FYN: variants seen among roughly 807,000 people sequenced by gnomAD.
FYN encodes the protein tyrosine-protein kinase Fyn.
Under a neutral mutation model 70.2 loss-of-function variants are expected in FYN, and 10 were observed. The observed-to-expected ratio is 0.14, with a 90% CI of 0.09 to 0.24. The LOEUF (loss-of-function observed/expected upper bound fraction) is 0.24, where lower values mean the gene tolerates loss of function less well. Ranked by LOEUF, FYN falls within the 10% of genes least tolerant of loss-of-function variation. The pLI, the probability that FYN is intolerant of heterozygous loss-of-function variation, is 1.00. For synonymous variants in FYN, 236 were observed against 248.6 expected, an observed-to-expected ratio of 0.95 and a Z score of 0.48; for missense variants, 319 against 673.1, an observed-to-expected ratio of 0.47 and a Z score of 5.82.
At chr6:111,757,990 G>A (rs1386527442) in intron 3 of FYN, among the ~76,000 whole-genome samples, 1 of 152,116 alleles carries the variant, frequency 6.6e-6, no homozygotes, top group African/African-American at 2.4e-5. Flanking sequence ...AGATAAAAGG[G>A]TAGAGAATGT....
At chr6:111,697,838 A>AT (rs1466948760) in intron 9 of FYN, among the ~76,000 whole-genome samples, 2 of 152,186 alleles carry the variant, frequency 1.3e-5, no homozygotes, top group Admixed American at 1.3e-4. Context: ...TTGAAAATAA[A>AT]TTTTCTAATA....
chr6:111,784,557 A>C (rs1771295317), intron 2 of FYN, among the ~76,000 whole-genome samples: 1 of 152,212 alleles, frequency 6.6e-6, no homozygotes, highest in Non-Finnish European at 1.5e-5. Context: ...GAAATGCTGA[A>C]CACTTTCCAA....
chr6:111,769,425 G>A (rs1313028409), intron 3 of FYN, among the ~76,000 whole-genome samples: 4 of 152,204 alleles, frequency 2.6e-5, no homozygotes, highest in Non-Finnish European at 5.9e-5. Flanking sequence ...CTGAGATTGT[G>A]ATTATAATCT....
At chr6:111,824,539 T>C (rs894667918) in intron 2 of FYN, among the ~76,000 whole-genome samples, 1 of 152,238 alleles carries the variant, frequency 6.6e-6, no homozygotes, top group Non-Finnish European at 1.5e-5. Context: ...TACCTTTGTC[T>C]ATCTATAGTA....
chr6:111,791,650 A>C (rs1771626279), intron 2 of FYN, among the ~76,000 whole-genome samples: 1 of 152,192 alleles, frequency 6.6e-6, no homozygotes, highest in African/African-American at 2.4e-5. Context: ...CACCACCAGA[A>C]GCTGGGAATA....
At chr6:111,737,261 A>T (rs1428960790) in intron 3 of FYN, among the ~76,000 whole-genome samples, 2 of 152,202 alleles carry the variant, frequency 1.3e-5, no homozygotes, top group Non-Finnish European at 2.9e-5. Flanking sequence ...TTTGGTGCCA[A>T]TATCTACCTA....
intron 2 of FYN, among the ~76,000 whole-genome samples, chr6:111,836,418 C>T (rs1773187583): frequency 6.6e-6 from 1 of 151,942 alleles, no homozygotes; most frequent in African/African-American, 2.4e-5. Context: ...GGCTTTAGCC[C>T]CCAAAAGAAA....
At chr6:111,771,833 T>G (rs1438037523) in intron 3 of FYN, among the ~76,000 whole-genome samples, 1 of 152,166 alleles carries the variant, frequency 6.6e-6, no homozygotes, top group Non-Finnish European at 1.5e-5. Context: ...GGTGCATAGC[T>G]TGTGCTTCTC....
intron 3 of FYN, among the ~76,000 whole-genome samples, chr6:111,720,321 C>T (rs932904878): frequency 2.0e-5 from 3 of 152,206 alleles, no homozygotes; most frequent in East Asian, 1.9e-4. Flanking sequence ...CAACTTTCCT[C>T]GAATAAGGCC....
Position 111,789,866 on chromosome 6 carries a change from C to T in FYN, c.-81-9231G>A, listed in dbSNP as rs183343851. Among the ~76,000 whole-genome samples the T allele has an allele frequency of 3.0e-3, 451 of 152,302 alleles. 8 individuals carry two copies. In the South Asian group the frequency reaches 0.048, roughly 16 times the overall value. ...GTCTAGCTCTCTTCCAACCGGATTA[C>T]TACTCCCAAGTCCCTCCAAGTAGAC... is the stretch of plus-strand genomic sequence containing the variant. On this transcript the variant is annotated intron_variant, in intron 2 of 13. Transcript: ENST00000354650.
intron 4 of FYN, among the ~76,000 whole-genome samples, chr6:111,717,619 G>C (rs560607759): frequency 6.6e-6 from 1 of 152,096 alleles, no homozygotes; most frequent in South Asian, 2.1e-4. Context: ...CCACCACCAC[G>C]CCTGGCTAAT....
At chr6:111,865,902 G>A (rs1271725027) in intron 1 of FYN, among the ~76,000 whole-genome samples, 2 of 152,164 alleles carry the variant, frequency 1.3e-5, no homozygotes, top group Non-Finnish European at 2.9e-5. Flanking sequence ...GAATGAAGGT[G>A]CTGCATTTCT....
At chr6:111,667,234 T>A (rs1798051825) in intron 13 of FYN, among the ~76,000 whole-genome samples, 1 of 152,034 alleles carries the variant, frequency 6.6e-6, no homozygotes, top group South Asian at 2.1e-4. Context: ...TCCTTTTAGA[T>A]TCTTTGAAAA....
chr6:111,815,708 A>C (rs769401089), intron 2 of FYN, among the ~76,000 whole-genome samples: 10 of 145,016 alleles, frequency 6.9e-5, no homozygotes, highest in Non-Finnish European at 1.5e-4. Flanking sequence ...TTCTCTGAGT[A>C]CTTCTTTTTT....
At chr6:111,791,753 G>C (rs1434280954) in intron 2 of FYN, among the ~76,000 whole-genome samples, 1 of 152,200 alleles carries the variant, frequency 6.6e-6, no homozygotes, top group Admixed American at 6.5e-5. Context: ...AGAATCATGA[G>C]AGAATAAATT....
intron 2 of FYN, among the ~76,000 whole-genome samples, chr6:111,782,521 CTT>C (rs893959102): frequency 1.8e-4 from 28 of 152,302 alleles, no homozygotes; most frequent in African/African-American, 6.0e-4. Flanking sequence ...ACAATGTTGT[CTT>C]GTTTAATACT....
At chr6:111,810,128 T>TA (rs1282114928) in intron 2 of FYN, among the ~76,000 whole-genome samples, 1 of 152,208 alleles carries the variant, frequency 6.6e-6, no homozygotes, top group East Asian at 1.9e-4. Context: ...GTCTTGTTCA[T>TA]AATATGACAG....
At chr6:111,835,048 G>T (rs1773134790) in intron 2 of FYN, among the ~76,000 whole-genome samples, 1 of 152,140 alleles carries the variant, frequency 6.6e-6, no homozygotes, top group African/African-American at 2.4e-5. Context: ...AGACAAAATA[G>T]GAATTTTTAT....
At chr6:111,737,800 G>A (rs566143258) in intron 3 of FYN, among the ~76,000 whole-genome samples, 1 of 152,090 alleles carries the variant, frequency 6.6e-6, no homozygotes, top group Non-Finnish European at 1.5e-5. Context: ...TCCTCTAGAC[G>A]TTTACTACTT....
Sources: allele counts gnomAD v4.1 joint callset (sites outside exome capture counted in the v4.1 genomes callset), GRCh38; gene constraint gnomAD v4.1.1; transcripts MANE v1.5; gene names NCBI Gene and HGNC (gene_info 2026-07-23, HGNC 2026-07-21).